The following POU6F1 variants were observed in gnomAD, a reference collection of about 807,000 sequenced individuals.
POU6F1 encodes POU domain, class 6, transcription factor 1.
A neutral mutation model predicts 28.9 loss-of-function variants in POU6F1; 9 were observed. The observed-to-expected ratio is 0.31, with a 90% CI of 0.19 to 0.54. The LOEUF (loss-of-function observed/expected upper bound fraction) is 0.54, where lower values mean the gene tolerates loss of function less well. Among genes scored for constraint, POU6F1 ranks in the 20% least tolerant of loss-of-function variants. POU6F1 has a pLI of 0.94. For synonymous variants in POU6F1, 173 were observed against 171.1 expected (o/e 1.01, Z -0.09); for missense variants, 338 against 426.1 (o/e 0.79, Z 1.82).
chr12:51,206,007 C>CG (rs1943583025), intron 2 of POU6F1, among the ~76,000 whole-genome samples: 2 of 149,172 alleles, frequency 1.3e-5, no homozygotes, highest in African/African-American at 4.9e-5. Flanking sequence ...TTTGTAGAGA[C>CG]AGGGTTTCAC....
At chr12:51,191,262 T>C (rs1396604030) in intron 10 of POU6F1, among the ~76,000 whole-genome samples, 1 of 152,234 alleles carries the variant, frequency 6.6e-6, no homozygotes, top group African/African-American at 2.4e-5. Context: ...AGGGCCAACA[T>C]AGAATGGAAG....
Position 51,196,906 on chromosome 12 carries a change from C to T in POU6F1, c.868G>A (p.Gly290Arg). 3 of 1,602,278 alleles carry T rather than the reference C, an allele frequency of 1.9e-6. No homozygotes were observed. Among genetic ancestry groups the T allele is most frequent in the South Asian group, 2.2e-5 (2 of 90,656 alleles). ...PGIISAASLGGQTQILGSLTT... is the reference protein window; with the variant it reads ...PGIISAASLGRQTQILGSLTT... Reference sequence around the variant, plus strand: ...AGGGACCCCAGGATCTGGGTCTGTCCCCCGAGGGAAGCAGCACTGATCTGT... The same window carrying T: ...AGGGACCCCAGGATCTGGGTCTGTCTCCCGAGGGAAGCAGCACTGATCTGT... The change falls in exon 7 of 11, where the codon GGA becomes AGA. Residue 290 changes from glycine to arginine, a missense_variant. This residue lies in a region of POU6F1 where 206 missense variants were observed against 225.6 expected (regional missense o/e 0.91). Coordinates refer to ENST00000333640, the MANE Select transcript of POU6F1 (RefSeq NM_001330422.2).
chr12:51,212,243 G>A lies in POU6F1; in HGVS notation c.-47-5360C>T, dbSNP rs552255034. 1.3e-4 allele frequency among the ~76,000 whole-genome samples: 19 copies of A among 151,686 alleles called. No homozygotes were observed. The East Asian group carries it at 3.1e-3, about 25-fold the overall frequency. On this transcript the variant is annotated intron_variant, in intron 1 of 10. Transcript: ENST00000333640. ...TGAGTAGCTGGGACTACAGGTGCGC[G>A]CCACCATGCCCAGCTAATTTTTGTA...
At chr12:51,215,911 A>G (rs1034712539) in intron 1 of POU6F1, among the ~76,000 whole-genome samples, 1 of 152,260 alleles carries the variant, frequency 6.6e-6, no homozygotes, top group Non-Finnish European at 1.5e-5. Context: ...CACTTAAAAC[A>G]GGGCCTAGCA....
Position 51,190,071 on chromosome 12 carries a change from G to A in POU6F1, c.*176C>T. ...TGGCCCCCTCTGGCCTCCCCATGAT[G>A]TGAGATGTGTGGGAGAAAAGAGGGA... On this transcript the variant is annotated 3_prime_UTR_variant, in exon 11 of 11. Coordinates refer to ENST00000333640, the MANE Select transcript of POU6F1 (RefSeq NM_001330422.2). The surrounding 1 kb of genome is among the most constrained non-coding windows in gnomAD (Gnocchi z 4.5). 4 of 1,208,870 alleles carry A rather than the reference G, an allele frequency of 3.3e-6. No individual in the cohort carries two copies. The South Asian group carries it at 6.3e-5, about 19-fold the overall frequency. 74.9% of individuals were successfully genotyped at this position (1,208,870 alleles called of 1,614,324 possible).
At chr12:51,205,482 T>A (rs1455901925) in intron 2 of POU6F1, among the ~76,000 whole-genome samples, 2 of 152,214 alleles carry the variant, frequency 1.3e-5, no homozygotes, top group Admixed American at 1.3e-4. Flanking sequence ...CTCCCTCCCC[T>A]GCCCAGACGA....
chr12:51,200,583 C>T (rs1402832543), intron 3 of POU6F1, among the ~76,000 whole-genome samples: 1 of 152,202 alleles, frequency 6.6e-6, no homozygotes, highest in Non-Finnish European at 1.5e-5. Context: ...AACTTCTTCA[C>T]AGCCATACAA....
chr12:51,198,183 C>T (rs541025005), intron 5 of POU6F1, 160 bp from the exon 6 acceptor site: 20 of 397,716 alleles, frequency 5.0e-5, no homozygotes, highest in Non-Finnish European at 7.1e-5. Context: ...GGCTGGCGCA[C>T]GCCAGCATCT....
At position 51,198,559 on chromosome 12, in the gene POU6F1, C is replaced by T. The variant is rs1391665334; in HGVS notation, c.583G>A (p.Gly195Ser). ...GAAGAGTTGCCGTTACCTTGGAGAC[C>T]GGCTAAAGGTGGCTTGAACACTCCC... ...TGGVFKPPLA[G>S]LQAAAVLNTA... Residue 195 changes from glycine (G) to serine (S), a missense_variant, in exon 5 of 11, where the codon GGT (glycine) becomes AGT (serine). This residue lies in a region of POU6F1 where 206 missense variants were observed against 225.6 expected (regional missense o/e 0.91). Transcript: ENST00000333640. 8 of 399,170 alleles carry T rather than the reference C, an allele frequency of 2.0e-5. No individual in the cohort carries two copies. Among genetic ancestry groups the T allele is most frequent in the South Asian group, 1.3e-4 (1 of 7,864 alleles). The allele number at this position is 399,170 out of a possible 1,614,324, so 24.7% of individuals were successfully genotyped here.
intron 1 of POU6F1, chr12:51,207,484 C>A (rs1477703585): frequency 6.6e-6 from 1 of 152,104 alleles, no homozygotes; most frequent in Non-Finnish European, 1.5e-5. Context: ...CCAGCAGAAC[C>A]CAATGGGAAT....
intron 7 of POU6F1, 35 bp from the exon 8 acceptor site, chr12:51,196,208 G>C: frequency 6.9e-7 from 1 of 1,448,126 alleles, no homozygotes; most frequent in Non-Finnish European, 9.1e-7. Flanking sequence ...CCAGGTGTGA[G>C]GGTAGCATCC....
intron 2 of POU6F1, among the ~76,000 whole-genome samples, chr12:51,204,900 C>T (rs1943472842): frequency 1.3e-5 from 2 of 152,110 alleles, no homozygotes; most frequent in African/African-American, 4.8e-5. Context: ...TTCTATCGCC[C>T]ATGATTCCTT....
At chr12:51,213,227 G>T (rs979773009) in intron 1 of POU6F1, among the ~76,000 whole-genome samples, 1 of 150,296 alleles carries the variant, frequency 6.7e-6, no homozygotes, top group East Asian at 2.0e-4. Context: ...GTGAGCCACC[G>T]CGCCCGGCCT....
chr12:51,202,781 A>G (rs1943316370), intron 3 of POU6F1, among the ~76,000 whole-genome samples: 1 of 152,198 alleles, frequency 6.6e-6, no homozygotes, highest in Non-Finnish European at 1.5e-5. Context: ...ATGTCAATAA[A>G]AGACATAGGT....
At chr12:51,202,230 T>A (rs1943264906) in intron 3 of POU6F1, 1 of 152,212 alleles carries the variant, frequency 6.6e-6, no homozygotes, top group South Asian at 2.1e-4. Flanking sequence ...TAAAGTCAAT[T>A]ACTTTTCTTC....
At chr12:51,208,272 C>T (rs1050785191) in intron 1 of POU6F1, among the ~76,000 whole-genome samples, 1 of 151,926 alleles carries the variant, frequency 6.6e-6, no homozygotes, top group Non-Finnish European at 1.5e-5. Context: ...TGCACTCCAG[C>T]CTGGGTTACA....
At chr12:51,210,938 CT>C (rs1480316923) in intron 1 of POU6F1, among the ~76,000 whole-genome samples, 1 of 152,244 alleles carries the variant, frequency 6.6e-6, no homozygotes, top group Non-Finnish European at 1.5e-5. Context: ...CATTTTGACT[CT>C]GAGCTGTACC....
intron 8 of POU6F1, 136 bp from the exon 9 acceptor site, chr12:51,192,607 T>G: frequency 8.4e-7 from 1 of 1,189,056 alleles, no homozygotes; most frequent in South Asian, 1.6e-5. Context: ...CTGGGCTCTA[T>G]CATAAAACAA....
At chr12:51,201,534 T>TTA (rs1555158690) in intron 3 of POU6F1, 1 of 147,562 alleles carries the variant, frequency 6.8e-6, no homozygotes, top group Non-Finnish European at 1.5e-5. Flanking sequence ...AAAAATGAGT[T>TTA]AAAAAAAAAA....
Sources: allele counts gnomAD v4.1 joint callset (sites outside exome capture counted in the v4.1 genomes callset), GRCh38; gene constraint gnomAD v4.1.1; regional missense constraint gnomAD v4.1.1; non-coding constraint Gnocchi (gnomAD v3.1); transcripts MANE v1.5; gene names NCBI Gene and HGNC (gene_info 2026-07-23, HGNC 2026-07-21).